The following PVT1 variants were observed in gnomAD, a reference collection of about 807,000 sequenced individuals.
PVT1 encodes the protein CXCR4/PVT1 fusion.
intron 3 of PVT1, among the ~76,000 whole-genome samples, chr8:127,972,974 A>T (rs1172465289): frequency 6.6e-6 from 1 of 152,210 alleles, no homozygotes. Flanking sequence ...ATGTAATCAT[A>T]GCTCACTATA....
At chr8:127,959,586 GAAAAA>G (rs34255005) in intron 3 of PVT1, among the ~76,000 whole-genome samples, 1 of 76,494 alleles carries the variant, frequency 1.3e-5, no homozygotes, top group East Asian at 4.3e-4. Flanking sequence ...TCTGTCTCAG[GAAAAA>G]AAAAAAAAAA....
intron 3 of PVT1, among the ~76,000 whole-genome samples, chr8:127,979,233 G>A (rs999742001): frequency 1.3e-5 from 2 of 152,190 alleles, no homozygotes; most frequent in African/African-American, 4.8e-5. Flanking sequence ...TGAAGAAAAT[G>A]GGTCTCTAAC....
At position 127,908,178 on chromosome 8, in the gene PVT1, C is replaced by T. The variant is rs188688983; in HGVS notation, n.782+17180C>T. ...ACATATGGCACAGCTCCACAAAATA[C>T]AACCACATTTTAGTATTCCGTACAC... On this transcript the variant is annotated intron_variant and non_coding_transcript_variant, in intron 3 of 10. Transcript: ENST00000651587. 1.3e-4 allele frequency among the ~76,000 whole-genome samples: 20 copies of T among 152,164 alleles called. No homozygotes were observed. The East Asian group carries it at 3.3e-3, about 25-fold the overall frequency.
intron 3 of PVT1, among the ~76,000 whole-genome samples, chr8:127,933,992 T>C (rs1324689131): frequency 6.6e-6 from 1 of 152,234 alleles, no homozygotes; most frequent in Non-Finnish European, 1.5e-5. Flanking sequence ...CTGTGATGGT[T>C]ACAGAGCTGT....
chr8:127,812,780 A>AT (rs1814613264), intron 2 of PVT1, among the ~76,000 whole-genome samples: 2 of 152,072 alleles, frequency 1.3e-5, no homozygotes, highest in Non-Finnish European at 2.9e-5. Flanking sequence ...AGTCCACTCC[A>AT]TTTTGTGCAG....
intron 4 of PVT1, among the ~76,000 whole-genome samples, chr8:128,019,840 T>C (rs1470500024): frequency 6.6e-6 from 1 of 152,212 alleles, no homozygotes; most frequent in Non-Finnish European, 1.5e-5. Context: ...TGCTGTGCAC[T>C]TGCAGTGGAC....
chr8:127,921,922 G>A (rs1033322857), intron 3 of PVT1, among the ~76,000 whole-genome samples: 11 of 127,420 alleles, frequency 8.6e-5, no homozygotes, highest in Admixed American at 5.1e-4. Context: ...GTGCAGTGGC[G>A]TGATCTTAGC....
intron 3 of PVT1, among the ~76,000 whole-genome samples, chr8:127,911,936 C>G (rs192950506): frequency 3.3e-4 from 50 of 152,236 alleles, no homozygotes; most frequent in Non-Finnish European, 5.3e-4. Flanking sequence ...GGGTGGTGCT[C>G]GTTTCATAAT....
At chr8:127,929,206 T>G (rs1816170752) in intron 3 of PVT1, among the ~76,000 whole-genome samples, 5 of 151,226 alleles carry the variant, frequency 3.3e-5, no homozygotes, top group Admixed American at 1.3e-4. Flanking sequence ...TCTGTTTTTT[T>G]TTTTTTTTTT....
At chr8:127,997,202 C>T (rs376420335) in intron 4 of PVT1, among the ~76,000 whole-genome samples, 176 of 151,916 alleles carry the variant, frequency 1.2e-3, no homozygotes, top group African/African-American at 3.9e-3. Flanking sequence ...CCACCACGTC[C>T]GGCTAATTTT....
At chr8:127,821,001 G>A (rs559462879) in intron 2 of PVT1, among the ~76,000 whole-genome samples, 34 of 152,118 alleles carry the variant, frequency 2.2e-4, no homozygotes, top group African/African-American at 8.2e-4. Flanking sequence ...GAGCCACTGC[G>A]CCGAGCCTGA....
rs545954974 is a variant in PVT1, at chr8:128,002,875, C to CT, written n.912+13592dup. Among the ~76,000 whole-genome samples, 48 of 152,056 alleles carry CT rather than the reference C, an allele frequency of 3.2e-4. 1 individual carries two copies. In the South Asian group the frequency reaches 8.8e-3, roughly 28 times the overall value. On this transcript the variant is annotated intron_variant and non_coding_transcript_variant, in intron 4 of 10. Transcript: ENST00000651587. ...AAAATGTTACAACTTCCTTTCTCTT[C>CT]TTTTTTTTCCTTTTCTTTTCTTTTT...
At position 127,810,158 on chromosome 8, in the gene PVT1, T is replaced by C. The variant is rs539967389; in HGVS notation, n.372+14087T>C. ...GGCCTGGGGGGCCACCCCCTGGCCT[T>C]TGCTAAGTTCCTGGCTGGTCTGAGC... On this transcript the variant is annotated intron_variant and non_coding_transcript_variant, in intron 2 of 10. Coordinates refer to ENST00000651587, the Ensembl canonical transcript of PVT1. Among the ~76,000 whole-genome samples the C allele has an allele frequency of 4.1e-3, 627 of 152,350 alleles. 3 individuals are homozygous for C. The highest frequency in any genetic ancestry group is 0.01 in the Middle Eastern group (3 of 294).
intron 5 of PVT1, among the ~76,000 whole-genome samples, chr8:128,087,009 C>A (rs1479940022): frequency 6.6e-6 from 1 of 152,234 alleles, no homozygotes; most frequent in Non-Finnish European, 1.5e-5. Flanking sequence ...CCAGAATTGT[C>A]ATAATGCAGC....
At chr8:127,818,026 G>A (rs1482164514) in intron 2 of PVT1, among the ~76,000 whole-genome samples, 3 of 152,106 alleles carry the variant, frequency 2.0e-5, no homozygotes, top group Non-Finnish European at 4.4e-5. Context: ...GAGAGGGGCA[G>A]TAACTAGCAG....
At chr8:127,796,926 T>A (rs1275829682) in intron 2 of PVT1, among the ~76,000 whole-genome samples, 1 of 148,372 alleles carries the variant, frequency 6.7e-6, no homozygotes, top group Non-Finnish European at 1.5e-5. Context: ...TTGCCCAGGC[T>A]GGAGTAAAAT....
chr8:127,869,063 T>G (rs1414132935), intron 2 of PVT1, among the ~76,000 whole-genome samples: 1 of 151,858 alleles, frequency 6.6e-6, no homozygotes, highest in Non-Finnish European at 1.5e-5. Context: ...AGTTCTATAT[T>G]GTTAAAATTA....
At chr8:127,940,531 A>G (rs753463348) in intron 3 of PVT1, 1 of 151,990 alleles carries the variant, frequency 6.6e-6, no homozygotes, top group Admixed American at 6.5e-5. Context: ...TATGATTGCC[A>G]TAAAATATTA....
At chr8:127,965,900 A>C (rs1384197934) in intron 3 of PVT1, among the ~76,000 whole-genome samples, 1 of 152,180 alleles carries the variant, frequency 6.6e-6, no homozygotes, top group Non-Finnish European at 1.5e-5. Flanking sequence ...GGGGAGAGGC[A>C]AGGAGGTTAC....
Sources: gnomAD v4.1 joint callset for allele counts (sites outside exome capture counted in the v4.1 genomes callset) on GRCh38, gnomAD v4.1.1 for gene constraint, MANE v1.5 for transcripts, NCBI Gene and HGNC (gene_info 2026-07-23, HGNC 2026-07-21) for gene names.